Variants in CDH23 observed in about 807,000 individuals in gnomAD.
The protein encoded by CDH23 is cadherin related 23.
Under a neutral mutation model 317.1 loss-of-function variants are expected in CDH23, and 189 were observed. That is an observed-to-expected ratio of 0.60 (90% CI 0.53 to 0.67). CDH23 has a LOEUF of 0.67. CDH23 is among the 30% of genes least tolerant of loss of function. The pLI, the probability that CDH23 is intolerant of heterozygous loss-of-function variation, is 0.00. For synonymous variants in CDH23, 1,839 were observed against 1,876.8 expected (o/e 0.98, Z 0.52); for missense variants, 4,401 against 4,592.4 (o/e 0.96, Z 1.20).
chr10:71,451,865 A>G (rs1044320160), intron 3 of CDH23, among the ~76,000 whole-genome samples: 10 of 152,104 alleles, frequency 6.6e-5, no homozygotes, highest in African/African-American at 2.4e-4. Context: ...ATGTAGGGGA[A>G]TCTTCCAAGG....
intron 28 of CDH23, among the ~76,000 whole-genome samples, chr10:71,723,550 C>T (rs181446180): frequency 3.2e-4 from 48 of 152,286 alleles, no homozygotes; most frequent in Admixed American, 1.1e-3. Flanking sequence ...GAGGAGGGCT[C>T]CTGGGCTTCC....
At chr10:71,479,310 T>C (rs1404443337) in intron 3 of CDH23, among the ~76,000 whole-genome samples, 1 of 152,210 alleles carries the variant, frequency 6.6e-6, no homozygotes, top group African/African-American at 2.4e-5. Context: ...GCTCATTTCT[T>C]ACCTCTTCTC....
At chr10:71,633,092 G>C (rs1483539710) in intron 11 of CDH23, among the ~76,000 whole-genome samples, 2 of 151,884 alleles carry the variant, frequency 1.3e-5, no homozygotes, top group Non-Finnish European at 2.9e-5. Flanking sequence ...CCCCTCCCAG[G>C]ATAACCCATT....
chr10:71,420,421 G>T (rs1589282962), intron 1 of CDH23, among the ~76,000 whole-genome samples: 1 of 143,726 alleles, frequency 7.0e-6, no homozygotes, highest in Non-Finnish European at 1.5e-5. Flanking sequence ...TGATGGTGAT[G>T]GTGATGATGA....
rs778345244 is a variant in CDH23 at position 71,739,755 on chromosome 10, G to C, written c.4471G>C (p.Asp1491His). The change falls in exon 36 of 70, where the codon GAT (aspartate) becomes CAT (histidine). Residue 1491 changes from aspartate to histidine, a missense_variant. Transcript: ENST00000224721. The stretch of plus-strand genomic sequence containing the variant: ...CAGGCCCCTGGACAGAGAAGAGCTG[G>C]ATCACTACATCCTCCAGGTGGGGCC... ...VARPLDREEL[D>H]HYILQVVASD... The C allele has an allele frequency of 3.1e-6, 5 of 1,611,968 alleles. No homozygotes were observed. Among genetic ancestry groups the C allele is most frequent in the Non-Finnish European group, 4.2e-6 (5 of 1,179,168 alleles).
chr10:71,812,702 T>G (rs2133007676), intron 67 of CDH23, 66 bp from the exon 68 acceptor site: 1 of 1,611,850 alleles, frequency 6.2e-7, no homozygotes, highest in Middle Eastern at 1.7e-4. Context: ...CTTTAAGGGG[T>G]GGCCCCCTCC....
intron 28 of CDH23, chr10:71,717,056 GC>G (rs1478497163): frequency 6.6e-6 from 1 of 152,276 alleles, no homozygotes; most frequent in Non-Finnish European, 1.5e-5. Flanking sequence ...CACCTGCCTG[GC>G]CCCGTGGGGA....
chr10:71,587,566 A>T (rs2132433785), intron 9 of CDH23, among the ~76,000 whole-genome samples: 1 of 152,298 alleles, frequency 6.6e-6, no homozygotes, highest in Non-Finnish European at 1.5e-5. Context: ...GGGTGAGGAG[A>T]GGGTACCTAG....
chr10:71,618,200 C>T (rs780808931), intron 11 of CDH23, among the ~76,000 whole-genome samples: 4 of 152,094 alleles, frequency 2.6e-5, no homozygotes, highest in Non-Finnish European at 4.4e-5. Flanking sequence ...TGGAGGGGAT[C>T]CCGGGCCATA....
intron 8 of CDH23, among the ~76,000 whole-genome samples, chr10:71,573,266 G>A (rs1309567717): frequency 6.6e-6 from 1 of 152,210 alleles, no homozygotes; most frequent in Non-Finnish European, 1.5e-5. Context: ...GGCAAGAGGT[G>A]TGTTCTTGGT....
intron 14 of CDH23, among the ~76,000 whole-genome samples, chr10:71,657,479 C>T (rs1665688): frequency 0.39 from 58,601 of 152,102 alleles, 11,626 homozygotes; most frequent in East Asian, 0.51. Context: ...CGACTTGATT[C>T]TACCATTGTA....
At chr10:71,472,725 G>A (rs918767864) in intron 3 of CDH23, among the ~76,000 whole-genome samples, 1 of 152,220 alleles carries the variant, frequency 6.6e-6, no homozygotes, top group Non-Finnish European at 1.5e-5. Context: ...GGCAGCAAGT[G>A]GTGGGAGGGC....
chr10:71,752,852 A>G (rs1323581117), intron 38 of CDH23: 33 of 1,183,106 alleles, frequency 2.8e-5, no homozygotes, highest in Non-Finnish European at 3.4e-5. Context: ...TCAGCAGCAG[A>G]TGGCAGAGGC....
intron 14 of CDH23, among the ~76,000 whole-genome samples, chr10:71,671,539 T>C (rs1864146309): frequency 6.6e-6 from 1 of 152,222 alleles, no homozygotes; most frequent in African/African-American, 2.4e-5. Flanking sequence ...ATTTGTCTGT[T>C]GGACTTTCAG....
At chr10:71,726,124 G>T (rs1438901630) in intron 30 of CDH23, among the ~76,000 whole-genome samples, 1 of 152,158 alleles carries the variant, frequency 6.6e-6, no homozygotes, top group Non-Finnish European at 1.5e-5. Flanking sequence ...CACTGGTTGT[G>T]TTATGTGTAC....
At chr10:71,814,606 C>G (rs918806086) in intron 69 of CDH23, among the ~76,000 whole-genome samples, 5 of 151,856 alleles carry the variant, frequency 3.3e-5, no homozygotes, top group African/African-American at 9.7e-5. Flanking sequence ...TTGCAGTGAG[C>G]CAAAATCGCG....
At chr10:71,803,862 G>A (rs1195926078) in intron 55 of CDH23, among the ~76,000 whole-genome samples, 1 of 145,222 alleles carries the variant, frequency 6.9e-6, no homozygotes, top group Non-Finnish European at 1.5e-5. Flanking sequence ...GTGCATGCCT[G>A]TAATCCCAGC....
At chr10:71,787,319 A>AT (rs34939679) in intron 44 of CDH23, among the ~76,000 whole-genome samples, 24,438 of 126,384 alleles carry the variant, frequency 0.19, 2,514 homozygotes, top group African/African-American at 0.25. Flanking sequence ...CGCTTTTCAG[A>AT]TTTTTTTTTT....
chr10:71,755,539 GA>G, intron 38 of CDH23: 1 of 1,407,092 alleles, frequency 7.1e-7, no homozygotes, highest in Non-Finnish European at 9.8e-7. Context: ...CTGAGGCTCA[GA>G]GAGGGAAGGC....
Sources: gnomAD v4.1 joint callset for allele counts (sites outside exome capture counted in the v4.1 genomes callset) on GRCh38, gnomAD v4.1.1 for gene constraint, MANE v1.5 for transcripts, NCBI Gene and HGNC (gene_info 2026-07-23, HGNC 2026-07-21) for gene names.